Variants in KRT7 observed in about 807,000 individuals in gnomAD.
KRT7 encodes keratin 7, also known as keratin, type II cytoskeletal 7.
Under a neutral mutation model 42.8 loss-of-function variants are expected in KRT7, and 50 were observed. The observed-to-expected ratio is 1.17, with a 90% CI of 0.93 to 1.48. The LOEUF (loss-of-function observed/expected upper bound fraction) is 1.48, where lower values mean the gene tolerates loss of function less well. KRT7 is among the 40% of genes most tolerant of loss of function. The pLI is 0.00. For synonymous variants in KRT7, 268 were observed against 266.3 expected, an observed-to-expected ratio of 1.01 and a Z score of -0.06; for missense variants, 588 against 637.6, an observed-to-expected ratio of 0.92 and a Z score of 0.84.
At chr12:52,251,222 C>T (rs1942262489), downstream of KRT7, among the ~76,000 whole-genome samples, 1 of 152,136 alleles carries the variant, frequency 6.6e-6, no homozygotes, top group Admixed American at 6.5e-5. Context: ...TCAAGTGATC[C>T]ACCTGCCTTG....
chr12:52,242,462 A>G (rs1429847799), intron 5 of KRT7, among the ~76,000 whole-genome samples: 3 of 152,198 alleles, frequency 2.0e-5, no homozygotes, highest in Non-Finnish European at 4.4e-5. Context: ...CTGAGGGAGC[A>G]GGAGTGGGTG....
chr12:52,251,041 G>A (rs1455571440), downstream of KRT7, among the ~76,000 whole-genome samples: 3 of 152,104 alleles, frequency 2.0e-5, no homozygotes, highest in African/African-American at 4.8e-5. Flanking sequence ...GTGCAGTGGC[G>A]CGATCTCGGC....
chr12:52,252,328 T>G (rs773404252), downstream of KRT7: 26 of 1,613,926 alleles, frequency 1.6e-5, no homozygotes, highest in Non-Finnish European at 2.2e-5. Flanking sequence ...AGCTTGGAGT[T>G]CATCACCTCC....
At chr12:52,252,286 C>T (rs772607005), downstream of KRT7, 28 of 1,613,874 alleles carry the variant, frequency 1.7e-5, no homozygotes, top group African/African-American at 4.0e-5. Flanking sequence ...CTCCAGCAGG[C>T]GCCTGTAGGT....
rs1396857338 is a variant in KRT7, at chr12:52,236,201, C to CA, written c.536+835_536+836insA. On this transcript the variant is annotated intron_variant, in intron 2 of 8. Transcript: ENST00000331817. ...CAAACAAGGTCTCTGTGGAGTGCCC[C>CA]CCCCCAACACTCCCACTTCCCTAGG... is the stretch of plus-strand genomic sequence containing the variant. Among the ~76,000 whole-genome samples, 5 of 150,480 alleles carry CA rather than the reference C, an allele frequency of 3.3e-5. No individual in the cohort carries two copies. In the South Asian group the frequency reaches 8.6e-4, roughly 26 times the overall value.
At chr12:52,252,515 G>A (rs1338012374), downstream of KRT7, 1 of 1,609,928 alleles carries the variant, frequency 6.2e-7, no homozygotes, top group Non-Finnish European at 8.5e-7. Context: ...AAGGATCTCT[G>A]TTCTGGCTTC....
At chr12:52,245,967 A>C (rs979429413) in intron 7 of KRT7, 1 of 290,868 alleles carries the variant, frequency 3.4e-6, no homozygotes, top group African/African-American at 2.2e-5. Context: ...CAGAGGGGAA[A>C]GCTGTGGTTG....
At chr12:52,240,133 T>C (rs1295574787) in intron 4 of KRT7, among the ~76,000 whole-genome samples, 1 of 151,184 alleles carries the variant, frequency 6.6e-6, no homozygotes, top group African/African-American at 2.4e-5. Context: ...GTCTATCACA[T>C]GGTTTATTTA....
chr12:52,243,205 T>C (rs1942119672), intron 6 of KRT7, 68 bp downstream of exon 6: 1 of 1,539,484 alleles, frequency 6.5e-7, no homozygotes, highest in African/African-American at 1.4e-5. Context: ...GAGGCCAAAC[T>C]CAGGATGTGG....
intron 8 of KRT7, 26 bp downstream of exon 8, chr12:52,248,237 G>C (rs746567811): frequency 6.2e-7 from 1 of 1,612,998 alleles, no homozygotes; most frequent in South Asian, 1.1e-5. Context: ...CGGCCCATGG[G>C]AAGCATCCCT....
chr12:52,255,176 G>C (rs1372653053), downstream of KRT7, among the ~76,000 whole-genome samples: 25 of 152,214 alleles, frequency 1.6e-4, no homozygotes, highest in Admixed American at 1.6e-3. Flanking sequence ...GAGCACTGGG[G>C]AAAGGAACAG....
At chr12:52,249,787 T>C (rs570698969), downstream of KRT7, among the ~76,000 whole-genome samples, 13 of 152,076 alleles carry the variant, frequency 8.5e-5, no homozygotes, top group South Asian at 2.7e-3. Flanking sequence ...GGGGGAGCTA[T>C]GTGGGATGTG....
chr12:52,248,479 G>A, intron 8 of KRT7, 112 bp from the exon 9 acceptor site: 5 of 1,184,254 alleles, frequency 4.2e-6, no homozygotes, highest in South Asian at 1.5e-5. Flanking sequence ...ATGGAGGGGG[G>A]CAGGGGTGAG....
chr12:52,245,203 A>G, intron 6 of KRT7: 1 of 595,318 alleles, frequency 1.7e-6, no homozygotes. Flanking sequence ...CCATGGTCAC[A>G]CAGCTAGTAA....
chr12:52,241,291 G>C (rs2121087343), intron 4 of KRT7, among the ~76,000 whole-genome samples, 181 bp from the exon 5 acceptor site: 1 of 152,280 alleles, frequency 6.6e-6, no homozygotes, highest in East Asian at 1.9e-4. Context: ...CCCTCAGGGA[G>C]CCAAGGGTGG....
intron 1 of KRT7, 71 bp downstream of exon 1, chr12:52,233,691 G>A (rs1401674386): frequency 1.3e-6 from 2 of 1,497,332 alleles, no homozygotes; most frequent in Non-Finnish European, 1.9e-6. Context: ...AACTAGCCCT[G>A]CCTGCGCGCG....
chr12:52,239,036 G>GT (rs1942047372), intron 4 of KRT7, among the ~76,000 whole-genome samples: 1 of 152,250 alleles, frequency 6.6e-6, no homozygotes, highest in Non-Finnish European at 1.5e-5. Flanking sequence ...CTAGTGCACA[G>GT]GTCCCTCCCT....
chr12:52,233,421 TCGGCGCCTCACGGCCGCG>T lies in KRT7; in HGVS notation c.128_145del (p.Gly43_Arg48del). 6.4e-7 allele frequency: 1 copy of T among 1,555,528 alleles called. No individual in the cohort carries two copies. Among genetic ancestry groups the T allele is most frequent in the Non-Finnish European group, 8.6e-7 (1 of 1,158,520 alleles). ...CTTGGCAGCAGCAGCCTCTACGGCC[TCGGCGCCTCACGGCCGCG>T]CGTGGCCGTGCGCTCTGCCTATGGG... On this transcript the variant is annotated inframe_deletion, in exon 1 of 9. Transcript: ENST00000331817.
At chr12:52,252,052 A>G (rs1160343551), downstream of KRT7, 1 of 755,106 alleles carries the variant, frequency 1.3e-6, no homozygotes, top group Non-Finnish European at 2.3e-6. Flanking sequence ...CAACGCCCTC[A>G]CACAACCTTA....
Sources: allele counts gnomAD v4.1 joint callset (sites outside exome capture counted in the v4.1 genomes callset), GRCh38; gene constraint gnomAD v4.1.1; transcripts MANE v1.5; gene names NCBI Gene and HGNC (gene_info 2026-07-23, HGNC 2026-07-21).